Variants in ZNF536 observed in about 807,000 individuals in gnomAD.
ZNF536 encodes the protein zinc finger protein 536.
A neutral mutation model predicts 84.5 loss-of-function variants in ZNF536; 13 were observed. The observed-to-expected ratio is 0.15, with a 90% CI of 0.10 to 0.24. The LOEUF (loss-of-function observed/expected upper bound fraction) is 0.24. ZNF536 is among the 10% of genes least tolerant of loss of function. The pLI is 1.00. For synonymous variants in ZNF536, 811 were observed against 742.5 expected, an observed-to-expected ratio of 1.09 and a Z score of -1.50; for missense variants, 1,536 against 1,747.5, an observed-to-expected ratio of 0.88 and a Z score of 2.16.
At chr19:30,345,154 A>G (rs879731199) in intron 2 of ZNF536, among the ~76,000 whole-genome samples, 6 of 152,148 alleles carry the variant, frequency 3.9e-5, no homozygotes, top group African/African-American at 1.4e-4. Context: ...CATCATCCCT[A>G]TTTTGCAGAT....
At chr19:30,672,467 G>A (rs149883293) in intron 1 of ZNF536, among the ~76,000 whole-genome samples, 3 of 152,286 alleles carry the variant, frequency 2.0e-5, no homozygotes, top group East Asian at 1.9e-4. Flanking sequence ...TACAAAAGGG[G>A]CATTATTTCC....
At chr19:30,276,858 T>G (rs1469225385) in intron 1 of ZNF536, among the ~76,000 whole-genome samples, 3 of 74,730 alleles carry the variant, frequency 4.0e-5, no homozygotes, top group African/African-American at 2.6e-4. Flanking sequence ...TCTTCATGTT[T>G]TTTTTTTTTA....
At chr19:30,420,937 T>C (rs1255310954) in intron 1 of ZNF536, among the ~76,000 whole-genome samples, 2 of 152,204 alleles carry the variant, frequency 1.3e-5, no homozygotes, top group Non-Finnish European at 1.5e-5. Flanking sequence ...TTGGTTTGCA[T>C]GTGTGTGTTT....
At chr19:30,475,100 A>T (rs886929503) in intron 2 of ZNF536, among the ~76,000 whole-genome samples, 3 of 152,012 alleles carry the variant, frequency 2.0e-5, no homozygotes, top group Non-Finnish European at 2.9e-5. Flanking sequence ...TTTTATTTTG[A>T]GATCAAGTCT....
rs34995610 is a variant in ZNF536 at position 30,569,559 on chromosome 19, C to CTTTTTTT, written c.169+20069_169+20075dup. On this transcript the variant is annotated intron_variant, in intron 1 of 1. Transcript: ENST00000592773. ...ATGGAATCGAAGCCAGATAAACGTT[C>CTTTTTTT]TTTTTTTTTTTTTTTTTTTTTTTTT... Among the ~76,000 whole-genome samples, 90 of 55,092 alleles carry CTTTTTTT rather than the reference C, an allele frequency of 1.6e-3. 12 individuals are homozygous for CTTTTTTT. The highest frequency in any genetic ancestry group is 5.4e-3 in the African/African-American group (72 of 13,220). 36.1% of individuals were successfully genotyped at this position (55,092 alleles called of 152,430 possible).
intron 1 of ZNF536, among the ~76,000 whole-genome samples, chr19:30,653,447 C>T (rs963632694): frequency 6.6e-5 from 10 of 152,198 alleles, no homozygotes; most frequent in African/African-American, 2.4e-4. Flanking sequence ...GGAGCCAGCT[C>T]ACAGTTGGGT....
At chr19:30,470,287 A>G (rs1013930933) in intron 2 of ZNF536, among the ~76,000 whole-genome samples, 1 of 152,132 alleles carries the variant, frequency 6.6e-6, no homozygotes, top group African/African-American at 2.4e-5. Flanking sequence ...GAAGAGTCCA[A>G]ATCTTCTTAT....
intron 1 of ZNF536, among the ~76,000 whole-genome samples, chr19:30,636,803 G>A (rs901073580): frequency 5.3e-5 from 8 of 152,160 alleles, no homozygotes; most frequent in Middle Eastern, 3.2e-3. Flanking sequence ...AGCCTGTTGC[G>A]GGCCTGGGGA....
intron 1 of ZNF536, among the ~76,000 whole-genome samples, chr19:30,574,385 A>T (rs1447206048): frequency 2.0e-5 from 3 of 152,116 alleles, no homozygotes; most frequent in Non-Finnish European, 2.9e-5. Context: ...CAGAGGTGCA[A>T]CTCCCAAGCC....
rs370424061 is a variant in ZNF536 at position 30,409,004 on chromosome 19, G to GTCCATCCA, written c.-2-34532_-2-34525dup. ...TTCATTCATTCATTATCATCCATTG[G>GTCCATCCA]TCCATCCATCCATCCATCCATCCAT... On this transcript the variant is annotated intron_variant, in intron 1 of 4. Coordinates refer to ENST00000355537, the MANE Select transcript of ZNF536 (RefSeq NM_014717.3). Among the ~76,000 whole-genome samples, 271 of 134,202 alleles carry GTCCATCCA rather than the reference G, an allele frequency of 2.0e-3. 2 individuals are homozygous for GTCCATCCA. Among genetic ancestry groups the GTCCATCCA allele is most frequent in the African/African-American group, 7.1e-3 (250 of 35,374 alleles). The allele number at this position is 134,202 out of a possible 152,430, so 88.0% of individuals were successfully genotyped here. A position where few individuals can be genotyped will look rare whatever the true frequency, so the allele number is the denominator to read the frequency against.
intron 2 of ZNF536, among the ~76,000 whole-genome samples, chr19:30,517,221 C>T (rs2044116887): frequency 6.6e-6 from 1 of 152,158 alleles, no homozygotes; most frequent in South Asian, 2.1e-4. Flanking sequence ...AGTACCTGAC[C>T]CCACAATCAT....
At chr19:30,710,183 C>T (rs937882949) in intron 1 of ZNF536, among the ~76,000 whole-genome samples, 1 of 151,972 alleles carries the variant, frequency 6.6e-6, no homozygotes, top group Non-Finnish European at 1.5e-5. Context: ...ATTATTTAAC[C>T]CTTTATAGAA....
At chr19:30,509,309 A>G (rs1037017562) in intron 2 of ZNF536, among the ~76,000 whole-genome samples, 1 of 148,490 alleles carries the variant, frequency 6.7e-6, no homozygotes, top group African/African-American at 2.4e-5. Flanking sequence ...TATATTATAC[A>G]TACATATATA....
At chr19:30,382,733 T>G (rs1047860363) in intron 1 of ZNF536, among the ~76,000 whole-genome samples, 50 of 152,268 alleles carry the variant, frequency 3.3e-4, no homozygotes, top group African/African-American at 1.2e-3. Context: ...TGGAATCCAC[T>G]GGATCCCATG....
At chr19:30,623,147 C>T (rs1017748018) in intron 1 of ZNF536, among the ~76,000 whole-genome samples, 11 of 150,260 alleles carry the variant, frequency 7.3e-5, no homozygotes, top group Non-Finnish European at 1.3e-4. Context: ...TACCCCATAT[C>T]CATTCCAACA....
chr19:30,599,484 C>CTTCCTTCTT lies in ZNF536; in HGVS notation c.169+49971_169+49972insTCCTTCTTT, dbSNP rs1362250664. Among the ~76,000 whole-genome samples, 55 of 13,408 alleles carry CTTCCTTCTT rather than the reference C, an allele frequency of 4.1e-3. 1 individual carries two copies. The highest frequency in any genetic ancestry group is 9.9e-3 in the African/African-American group (50 of 5,070). The allele number at this position is 13,408 out of a possible 152,430, so 8.8% of individuals were successfully genotyped here. A position where few individuals can be genotyped will look rare whatever the true frequency, so the allele number is the denominator to read the frequency against. On this transcript the variant is annotated intron_variant, in intron 1 of 1. Transcript: ENST00000592773. ...CCTCCCTCCCTCCTTCCTTCCTTCCCTCCTTCCTTCCTTCCCTCCTTCCTT... is the reference window on the plus strand; with the variant it reads ...CCTCCCTCCCTCCTTCCTTCCTTCCCTTCCTTCTTTCCTTCCTTCCTTCCCTCCTTCCTT...
intron 1 of ZNF536, among the ~76,000 whole-genome samples, chr19:30,433,758 A>C (rs1439179576): frequency 2.6e-5 from 4 of 152,108 alleles, no homozygotes; most frequent in African/African-American, 9.7e-5. Flanking sequence ...TGGCCTCCCA[A>C]AGTGCTGGGA....
At chr19:30,309,632 C>A (rs1023013020) in intron 2 of ZNF536, among the ~76,000 whole-genome samples, 2 of 152,218 alleles carry the variant, frequency 1.3e-5, no homozygotes, top group Non-Finnish European at 2.9e-5. Flanking sequence ...TGTAACACTG[C>A]TGTCCAACTT....
intron 1 of ZNF536, among the ~76,000 whole-genome samples, chr19:30,393,773 G>T (rs1430984973): frequency 6.6e-6 from 1 of 152,186 alleles, no homozygotes; most frequent in African/African-American, 2.4e-5. Context: ...AGCTGAGCTG[G>T]AGAGAAAGAT....
Sources: gnomAD v4.1 joint callset for allele counts (sites outside exome capture counted in the v4.1 genomes callset) on GRCh38, gnomAD v4.1.1 for gene constraint, MANE v1.5 for transcripts, NCBI Gene and HGNC (gene_info 2026-07-23, HGNC 2026-07-21) for gene names.